REL: variants seen among roughly 807,000 people sequenced by gnomAD.
The protein encoded by REL is REL proto-oncogene, NF-kB subunit, also known as proto-oncogene c-Rel.
In REL, 15 loss-of-function variants were observed where a neutral mutation model predicts 45.9. The ratio of observed to expected loss-of-function variants is 0.33; its 90% confidence interval spans 0.22 to 0.50. REL has a LOEUF of 0.50. REL is among the 20% of genes least tolerant of loss of function. The pLI, the probability that REL is intolerant of heterozygous loss-of-function variation, is 0.98. For missense variants in REL, 601 were observed against 715.2 expected, an observed-to-expected ratio of 0.84 and a Z score of 1.82; for synonymous variants, 239 against 242.1, an observed-to-expected ratio of 0.99 and a Z score of 0.12.
At chr2:60,903,731 A>G (rs565259930) in intron 4 of REL, among the ~76,000 whole-genome samples, 1 of 152,216 alleles carries the variant, frequency 6.6e-6, no homozygotes, top group Non-Finnish European at 1.5e-5. Flanking sequence ...GGGTTTCACC[A>G]TGTCAGCCAG....
intron 2 of REL, 106 bp from the exon 3 acceptor site, chr2:60,894,287 TTATC>T (rs2103933015): frequency 1.6e-6 from 1 of 623,216 alleles, no homozygotes; most frequent in Non-Finnish European, 2.5e-6. Flanking sequence ...TGGATTTTAT[TTATC>T]TAGTGCCAAT....
In REL at chr2:60,925,724, A is replaced by G. The variant is rs1010379794; in HGVS notation, c.*3189A>G. Reference sequence around the variant, plus strand: ...TTTTTTTTTTTTAATACAGAATCTCATAGTTTTGGATTAATTAGCACCAAT... The same window carrying G: ...TTTTTTTTTTTTAATACAGAATCTCGTAGTTTTGGATTAATTAGCACCAAT... On this transcript the variant is annotated 3_prime_UTR_variant, in exon 10 of 10. Transcript: ENST00000394479. The G allele has an allele frequency of 1.5e-5, 3 of 197,898 alleles. No homozygotes were observed. Among genetic ancestry groups the G allele is most frequent in the African/African-American group, 4.6e-5 (2 of 43,042 alleles). 12.3% of individuals were successfully genotyped at this position (197,898 alleles called of 1,614,324 possible). A position where few individuals can be genotyped will look rare whatever the true frequency, so the allele number is the denominator to read the frequency against.
At chr2:60,892,101 C>G (rs1673230293) in intron 2 of REL, among the ~76,000 whole-genome samples, 1 of 152,154 alleles carries the variant, frequency 6.6e-6, no homozygotes, top group Non-Finnish European at 1.5e-5. Flanking sequence ...TGAGAGTACA[C>G]TGGCAACTTT....
In REL at chr2:60,918,393, G is replaced by T; in HGVS notation, c.641-1G>T. ...TTTTTTTTTGGTTTCTTATTGACTA[G>T]ATGACATAGAAGTTCGTTTTGTGTT... On this transcript the variant is annotated splice_acceptor_variant, in intron 6 of 9. Transcript: ENST00000394479. LOFTEE classifies it high-confidence loss of function. 6.2e-7 allele frequency: 1 copy of T among 1,608,110 alleles called. No individual in the cohort carries two copies. Among genetic ancestry groups the T allele is most frequent in the Non-Finnish European group, 8.5e-7 (1 of 1,176,642 alleles).
At chr2:60,917,678 TACTGTGTG>T (rs1366064850) in intron 5 of REL, among the ~76,000 whole-genome samples, 8 of 130,930 alleles carry the variant, frequency 6.1e-5, no homozygotes, top group Non-Finnish European at 3.2e-5. Flanking sequence ...TCCCCCAAAA[TACTGTGTG>T]TGTGTGTGTG....
intron 4 of REL, among the ~76,000 whole-genome samples, chr2:60,902,346 C>T (rs1050544051): frequency 8.5e-5 from 13 of 152,092 alleles, no homozygotes; most frequent in Admixed American, 6.6e-4. Context: ...CCCTTCCAGT[C>T]TTACCAGGGG....
At chr2:60,908,712 A>G (rs768895621) in intron 4 of REL, among the ~76,000 whole-genome samples, 2 of 152,206 alleles carry the variant, frequency 1.3e-5, no homozygotes, top group Admixed American at 6.5e-5. Flanking sequence ...TAAACTGTAT[A>G]TTAAATTTTG....
intron 4 of REL, among the ~76,000 whole-genome samples, chr2:60,905,404 T>C (rs956534731): frequency 2.6e-5 from 4 of 152,122 alleles, no homozygotes; most frequent in Non-Finnish European, 4.4e-5. Context: ...TGTTTGCAAA[T>C]TCATTCCTTC....
intron 4 of REL, among the ~76,000 whole-genome samples, chr2:60,902,882 C>T (rs748149143): frequency 6.6e-4 from 101 of 152,270 alleles, no homozygotes; most frequent in Non-Finnish European, 1.3e-3. Flanking sequence ...AGCCACTGCA[C>T]CCGGTCTATT....
chr2:60,884,718 T>A (rs1370381479), intron 1 of REL, among the ~76,000 whole-genome samples: 1 of 152,288 alleles, frequency 6.6e-6, no homozygotes, highest in African/African-American at 2.4e-5. Context: ...AAAATTTAGA[T>A]AATTTATTTT....
Position 60,922,476 on chromosome 2 carries a change from G to A in REL, c.1705G>A (p.Gly569Ser). ...TCAAGATAGTCAGTATTCAGGTATT[G>A]GCAGTATGCAAAATGAGCAATTGAG... ...FVQDSQYSGI[G>S]SMQNEQLSDS... Residue 569 changes from glycine (G) to serine (S), a missense_variant, in exon 10 of 10, where the codon GGC becomes AGC. Coordinates refer to ENST00000394479, the MANE Select transcript of REL (RefSeq NM_001291746.2). The A allele has an allele frequency of 1.2e-6, 2 of 1,612,600 alleles. No individual in the cohort carries two copies. Among genetic ancestry groups the A allele is most frequent in the Non-Finnish European group, 1.7e-6 (2 of 1,179,636 alleles).
rs1305472467 is a variant in REL at position 60,894,387 on chromosome 2, CT to C, written c.154-4del. The C allele has an allele frequency of 7.6e-6, 11 of 1,448,540 alleles. No homozygotes were observed. The highest frequency in any genetic ancestry group is 4.4e-5 in the Admixed American group (2 of 45,972). The allele number at this position is 1,448,540 out of a possible 1,614,324, so 89.7% of individuals were successfully genotyped here. On this transcript the variant is annotated splice_polypyrimidine_tract_variant and intron_variant, in intron 2 of 9. Transcript: ENST00000394479. Reference sequence around the variant, plus strand: ...TTTGGATCATGTATTTAATTTCCCCCTTTTTTCAGATTATGAACTATTATGG... The same window carrying C: ...TTTGGATCATGTATTTAATTTCCCCCTTTTTCAGATTATGAACTATTATGG...
At chr2:60,890,019 G>A (rs1043319963) in intron 1 of REL, among the ~76,000 whole-genome samples, 1 of 152,164 alleles carries the variant, frequency 6.6e-6, no homozygotes. Flanking sequence ...CTGAGGAATC[G>A]CCACACTGAC....
intron 1 of REL, among the ~76,000 whole-genome samples, chr2:60,888,262 A>G (rs894537997): frequency 7.9e-5 from 12 of 152,056 alleles, no homozygotes; most frequent in African/African-American, 2.9e-4. Flanking sequence ...CTATGAACCT[A>G]GCAGTTTTAT....
intron 4 of REL, among the ~76,000 whole-genome samples, chr2:60,907,683 A>G (rs942449144): frequency 7.3e-5 from 11 of 151,718 alleles, no homozygotes; most frequent in Non-Finnish European, 1.5e-4. Context: ...CGAACATGTC[A>G]TATTTGTACT....
rs1672940956 is a variant in REL at position 60,881,743 on chromosome 2, C to G, written c.-98C>G. 2 of 1,150,382 alleles carry G rather than the reference C, an allele frequency of 1.7e-6. No individual in the cohort carries two copies. Among genetic ancestry groups the G allele is most frequent in the South Asian group, 2.7e-5 (2 of 73,800 alleles). 71.3% of individuals were successfully genotyped at this position (1,150,382 alleles called of 1,614,324 possible). On this transcript the variant is annotated 5_prime_UTR_variant, in exon 1 of 10. Coordinates refer to ENST00000394479, the MANE Select transcript of REL (RefSeq NM_001291746.2). The stretch of plus-strand genomic sequence containing the variant: ...AGGGTGGTCGGGGGACTGGGGGCCC[C>G]GCCGGCAGAGGTCCCTCGGCCTCCT...
intron 1 of REL, among the ~76,000 whole-genome samples, chr2:60,890,978 A>C (rs12713428): frequency 0.22 from 33,387 of 152,188 alleles, 3,831 homozygotes; most frequent in Middle Eastern, 0.35. Flanking sequence ...GCAGCAGTTC[A>C]TTCTGCAGAT....
intron 3 of REL, among the ~76,000 whole-genome samples, chr2:60,897,560 A>G (rs1673383191): frequency 6.6e-6 from 1 of 151,988 alleles, no homozygotes; most frequent in South Asian, 2.1e-4. Flanking sequence ...CTCCTGCCTC[A>G]GCCTCCCGAA....
intron 4 of REL, 100 bp downstream of exon 4, chr2:60,901,183 T>C: frequency 7.5e-7 from 1 of 1,332,498 alleles, no homozygotes; most frequent in East Asian, 3.1e-5. Flanking sequence ...TGAGACGGAG[T>C]TTTGCTCTTG....
Sources: allele counts gnomAD v4.1 joint callset (sites outside exome capture counted in the v4.1 genomes callset), GRCh38; gene constraint gnomAD v4.1.1; transcripts MANE v1.5; gene names NCBI Gene and HGNC (gene_info 2026-07-23, HGNC 2026-07-21).